The following ARHGEF10 variants were observed in gnomAD, a reference collection of about 807,000 sequenced individuals.
ARHGEF10 encodes Rho guanine nucleotide exchange factor (GEF) 10.
In ARHGEF10, 140 loss-of-function variants were observed where a neutral mutation model predicts 147.4. The ratio of observed to expected loss-of-function variants is 0.95; its 90% CI spans 0.83 to 1.09. ARHGEF10 has a LOEUF of 1.09. ARHGEF10 is among the 50% of genes least tolerant of loss of function. The pLI is 0.00. For missense variants in ARHGEF10, 2,222 were observed against 1,752.7 expected, an observed-to-expected ratio of 1.27 and a Z score of -4.78; for synonymous variants, 902 against 695.8, an observed-to-expected ratio of 1.30 and a Z score of -4.67.
At chr8:1,859,822 A>G in intron 3 of ARHGEF10, 75 bp from the exon 4 acceptor site, 2 of 1,571,362 alleles carry the variant, frequency 1.3e-6, no homozygotes, top group South Asian at 2.2e-5. Flanking sequence ...CCTGCTTCCC[A>G]CTTGCGCTCC....
At chr8:1,878,883 C>T (rs1807932577) in intron 8 of ARHGEF10, among the ~76,000 whole-genome samples, 1 of 151,840 alleles carries the variant, frequency 6.6e-6, no homozygotes, top group Non-Finnish European at 1.5e-5. Context: ...GAATTACAAC[C>T]CGGGAGCGCT....
intron 12 of ARHGEF10, 120 bp from the exon 13 acceptor site, chr8:1,894,273 C>T (rs1307035671): frequency 2.9e-6 from 3 of 1,017,654 alleles, no homozygotes; most frequent in Non-Finnish European, 3.0e-6. Flanking sequence ...TGGCTTGAGC[C>T]CAGGAGTTTG....
intron 11 of ARHGEF10, among the ~76,000 whole-genome samples, chr8:1,888,148 G>GCA (rs1203031487): frequency 1.9e-5 from 2 of 103,654 alleles, no homozygotes; most frequent in African/African-American, 7.1e-5. Flanking sequence ...GAGACACTTA[G>GCA]TGGGGCGAGG....
chr8:1,887,177 G>C (rs1808737543), intron 11 of ARHGEF10, among the ~76,000 whole-genome samples: 1 of 152,222 alleles, frequency 6.6e-6, no homozygotes, highest in Non-Finnish European at 1.5e-5. Context: ...CCTGCACTCT[G>C]AGAACTTACT....
intron 14 of ARHGEF10, among the ~76,000 whole-genome samples, chr8:1,896,836 G>A (rs1335006204): frequency 1.3e-5 from 2 of 152,214 alleles, no homozygotes; most frequent in Non-Finnish European, 1.5e-5. Flanking sequence ...GAGAGTCAGA[G>A]CCTGGAGCGG....
chr8:1,856,365 C>T (rs773314991), intron 2 of ARHGEF10, among the ~76,000 whole-genome samples: 1 of 152,212 alleles, frequency 6.6e-6, no homozygotes, highest in Non-Finnish European at 1.5e-5. Context: ...TCCCCACCGT[C>T]CTTGCAGTGG....
At chr8:1,852,587 G>T (rs1356761945) in intron 2 of ARHGEF10, among the ~76,000 whole-genome samples, 14 of 152,158 alleles carry the variant, frequency 9.2e-5, no homozygotes. Flanking sequence ...GCAGCATTTC[G>T]AAGATTGGAT....
At chr8:1,896,748 C>A (rs538712878) in intron 14 of ARHGEF10, among the ~76,000 whole-genome samples, 1 of 152,192 alleles carries the variant, frequency 6.6e-6, no homozygotes, top group African/African-American at 2.4e-5. Flanking sequence ...CACTGTCCTT[C>A]GGTATGGTAT....
chr8:1,864,612 G>T (rs1388376608), intron 5 of ARHGEF10, among the ~76,000 whole-genome samples, 176 bp downstream of exon 5: 1 of 152,210 alleles, frequency 6.6e-6, no homozygotes, highest in African/African-American at 2.4e-5. Context: ...GGAAATGTAG[G>T]GTCAGGACGA....
At chr8:1,917,222 T>A (rs1811825992) in intron 18 of ARHGEF10, among the ~76,000 whole-genome samples, 1 of 152,258 alleles carries the variant, frequency 6.6e-6, no homozygotes, top group Admixed American at 6.5e-5. Context: ...CAAGTTGCTT[T>A]CCAGGAAGTT....
intron 28 of ARHGEF10, among the ~76,000 whole-genome samples, chr8:1,955,774 T>C (rs1327214038): frequency 6.6e-6 from 1 of 152,280 alleles, no homozygotes; most frequent in Non-Finnish European, 1.5e-5. Flanking sequence ...TATATTTGTG[T>C]GGCTGGCTCT....
At chr8:1,916,764 T>C (rs1811790723) in intron 18 of ARHGEF10, among the ~76,000 whole-genome samples, 1 of 152,248 alleles carries the variant, frequency 6.6e-6, no homozygotes. Flanking sequence ...GTTTAAAAAT[T>C]ACCCTCTTTC....
At chr8:1,827,215 A>T (rs1397936951) in intron 1 of ARHGEF10, among the ~76,000 whole-genome samples, 2 of 151,840 alleles carry the variant, frequency 1.3e-5, no homozygotes, top group Non-Finnish European at 2.9e-5. Context: ...CTGCCACCCT[A>T]CTCTGCTTCA....
At chr8:1,893,924 A>C (rs1304109011) in intron 12 of ARHGEF10, among the ~76,000 whole-genome samples, 1 of 152,136 alleles carries the variant, frequency 6.6e-6, no homozygotes, top group South Asian at 2.1e-4. Context: ...CTGTAATCCT[A>C]GCACTTTGGG....
intron 3 of ARHGEF10, 45 bp from the exon 4 acceptor site, chr8:1,859,852 G>A (rs757348940): frequency 3.1e-6 from 5 of 1,611,900 alleles, no homozygotes; most frequent in Non-Finnish European, 4.2e-6. Context: ...TGCCTGCCAT[G>A]CCCTTGGTGA....
rs1427620928 is a variant in ARHGEF10 at position 1,888,192 on chromosome 8, G to C, written c.1182+2485G>C. 8.7e-5 allele frequency among the ~76,000 whole-genome samples: 4 copies of C among 46,100 alleles called. 1 individual carries two copies. The highest frequency in any genetic ancestry group is 5.6e-4 in the African/African-American group (4 of 7,154). The allele number at this position is 46,100 out of a possible 152,430, so 30.2% of individuals were successfully genotyped here. On this transcript the variant is annotated intron_variant, in intron 11 of 28. Coordinates refer to ENST00000349830, the MANE Select transcript of ARHGEF10 (RefSeq NM_014629.4). Reference sequence around the variant, plus strand: ...GAGACAGTGAGTGGGGTGAGGGTTTGCGAGGAGACACTTAGTGGGGCGAGG... The same window carrying C: ...GAGACAGTGAGTGGGGTGAGGGTTTCCGAGGAGACACTTAGTGGGGCGAGG...
At chr8:1,836,195 GA>G (rs1367505140) in intron 1 of ARHGEF10, among the ~76,000 whole-genome samples, 65 of 133,320 alleles carry the variant, frequency 4.9e-4, no homozygotes, top group South Asian at 1.7e-3. Flanking sequence ...AAAAAAAAAA[GA>G]AAAAAAAAAA....
Position 1,909,287 on chromosome 8 carries a change from C to T in ARHGEF10, c.1968-8C>T, listed in dbSNP as rs1406071569. On this transcript the variant is annotated splice_region_variant and splice_polypyrimidine_tract_variant and intron_variant, in intron 17 of 28. Coordinates refer to ENST00000349830, the MANE Select transcript of ARHGEF10 (RefSeq NM_014629.4). ...ATTCGTAAAACAAGGATCTTTTGGT[C>T]GTTTCAGCCCCTCTCATGACAGCCG... 9 of 1,614,158 alleles carry T rather than the reference C, an allele frequency of 5.6e-6. No homozygotes were observed. Among genetic ancestry groups the T allele is most frequent in the South Asian group, 3.3e-5 (3 of 91,050 alleles).
chr8:1,944,086 C>T (rs890387230), intron 26 of ARHGEF10, among the ~76,000 whole-genome samples: 17 of 151,008 alleles, frequency 1.1e-4, no homozygotes, highest in Non-Finnish European at 2.4e-4. Context: ...GTGTCACCTC[C>T]CTCGGGACCC....
Sources: allele counts gnomAD v4.1 joint callset (sites outside exome capture counted in the v4.1 genomes callset), GRCh38; gene constraint gnomAD v4.1.1; transcripts MANE v1.5; gene names NCBI Gene and HGNC (gene_info 2026-07-23, HGNC 2026-07-21).